ZNF345: variants seen among roughly 807,000 people sequenced by gnomAD.
ZNF345 encodes the protein zinc finger protein 345.
For missense variants in ZNF345, 527 were observed against 589.9 expected (o/e 0.89, Z 1.10); for synonymous variants, 166 against 187.9 (o/e 0.88, Z 0.95).
At chr19:36,857,868 TC>T (rs1390504272) in intron 2 of ZNF345, among the ~76,000 whole-genome samples, 9 of 152,090 alleles carry the variant, frequency 5.9e-5, no homozygotes, top group Non-Finnish European at 1.2e-4. Context: ...AACCTCCACT[TC>T]CTGGGTTCAA....
intron 3 of ZNF345, chr19:36,892,012 C>G (rs543853566): frequency 6.2e-7 from 1 of 1,613,798 alleles, no homozygotes; most frequent in East Asian, 2.2e-5. Flanking sequence ...AGTGTGAATT[C>G]TCTGATGATC....
chr19:36,884,224 C>T (rs189437300), downstream of ZNF345, among the ~76,000 whole-genome samples: 472 of 152,230 alleles, frequency 3.1e-3, 2 homozygotes, highest in South Asian at 0.01. Context: ...CACCACCATG[C>T]CCAGCTAAAT....
At chr19:36,868,955 T>G in intron 2 of ZNF345, among the ~76,000 whole-genome samples, 1 of 152,190 alleles carries the variant, frequency 6.6e-6, no homozygotes, top group Non-Finnish European at 1.5e-5. Context: ...GAGATTGTAT[T>G]GAATCTGCAG....
intron 2 of ZNF345, among the ~76,000 whole-genome samples, chr19:36,868,976 C>T (rs7253894): frequency 0.017 from 2,600 of 152,170 alleles, 82 homozygotes; most frequent in African/African-American, 0.059. Context: ...ATTATTTTAG[C>T]GAGTATTGCC....
At chr19:36,883,037 C>CT (rs2072977780), downstream of ZNF345, among the ~76,000 whole-genome samples, 1 of 152,132 alleles carries the variant, frequency 6.6e-6, no homozygotes, top group South Asian at 2.1e-4. Context: ...TCCAATTTCT[C>CT]TAATATTGAA....
intron 3 of ZNF345, chr19:36,890,918 T>C (rs1265930688): frequency 6.6e-6 from 1 of 152,142 alleles, no homozygotes; most frequent in East Asian, 1.9e-4. Context: ...ATTACAAATA[T>C]ATTAGACAAA....
chr19:36,871,343 C>T (rs957279170), intron 2 of ZNF345, among the ~76,000 whole-genome samples: 2 of 152,164 alleles, frequency 1.3e-5, no homozygotes, highest in African/African-American at 2.4e-5. Context: ...CACAAACATT[C>T]AGACTCTATC....
intron 3 of ZNF345, chr19:36,888,329 TACC>T (rs923369731): frequency 1.3e-5 from 2 of 152,330 alleles, no homozygotes; most frequent in Admixed American, 6.5e-5. Flanking sequence ...ACAGTGTTAT[TACC>T]ACAATATAGT....
chr19:36,859,996 C>T (rs750203371), intron 2 of ZNF345, among the ~76,000 whole-genome samples: 1 of 151,948 alleles, frequency 6.6e-6, no homozygotes, highest in Non-Finnish European at 1.5e-5. Context: ...CTCGCTGGGT[C>T]GCCCAGGCTG....
intron 2 of ZNF345, among the ~76,000 whole-genome samples, chr19:36,868,906 G>A (rs904583871): frequency 2.0e-5 from 3 of 152,036 alleles, no homozygotes; most frequent in African/African-American, 7.2e-5. Context: ...TTACCGCCCC[G>A]CCTGGCTTTT....
intron 3 of ZNF345, among the ~76,000 whole-genome samples, chr19:36,886,971 G>A (rs2073003582): frequency 7.1e-6 from 1 of 141,624 alleles, no homozygotes; most frequent in South Asian, 2.2e-4. Flanking sequence ...TCCAGCTTGG[G>A]CGAAAGAGTG....
At chr19:36,888,443 TTC>T in intron 3 of ZNF345, 1 of 152,194 alleles carries the variant, frequency 6.6e-6, no homozygotes. Context: ...TACACCCATT[TTC>T]TGTTCCCACC....
chr19:36,851,606 A>C (rs2072267650), intron 1 of ZNF345: 1 of 152,264 alleles, frequency 6.6e-6, no homozygotes, highest in African/African-American at 2.4e-5. Context: ...TTGTGACTTC[A>C]GCCATTGGAG....
downstream of ZNF345, among the ~76,000 whole-genome samples, chr19:36,880,958 AC>A (rs2072964473): frequency 6.6e-6 from 1 of 152,162 alleles, no homozygotes; most frequent in South Asian, 2.1e-4. Flanking sequence ...CAAGCATATA[AC>A]CCAAGAAGCT....
chr19:36,859,772 A>C (rs1313423877), intron 2 of ZNF345, among the ~76,000 whole-genome samples: 3 of 152,094 alleles, frequency 2.0e-5, no homozygotes, highest in Admixed American at 6.6e-5. Flanking sequence ...GAATAGCATA[A>C]AGTATTCCTG....
In ZNF345 at chr19:36,879,499, G is replaced by T. The variant is rs2072955012; in HGVS notation, c.*1202G>T. On this transcript the variant is annotated 3_prime_UTR_variant, in exon 3 of 3. Coordinates refer to ENST00000420450, the MANE Select transcript of ZNF345 (RefSeq NM_001242472.2). Reference sequence around the variant, plus strand: ...GTAAATATGTTGTTACCATTTTATTGGCTTTATAGTATTCACCTGTCTTTA... The same window carrying T: ...GTAAATATGTTGTTACCATTTTATTTGCTTTATAGTATTCACCTGTCTTTA... The T allele has an allele frequency of 6.0e-6, 1 of 166,624 alleles. No individual in the cohort carries two copies. The highest frequency in any genetic ancestry group is 6.6e-5 in the Admixed American group (1 of 15,250). The allele number at this position is 166,624 out of a possible 1,614,324, so 10.3% of individuals were successfully genotyped here.
At chr19:36,865,510 G>T (rs2072640326) in intron 2 of ZNF345, among the ~76,000 whole-genome samples, 1 of 152,036 alleles carries the variant, frequency 6.6e-6, no homozygotes, top group South Asian at 2.1e-4. Flanking sequence ...ACACATGCTG[G>T]AGTGTAGTAG....
chr19:36,892,188 T>G (rs2073061554), intron 3 of ZNF345: 1 of 1,614,072 alleles, frequency 6.2e-7, no homozygotes, highest in Non-Finnish European at 8.5e-7. Context: ...TCCTCTGATG[T>G]CGAGTAACGA....
At chr19:36,868,629 CTT>C (rs539327560) in intron 2 of ZNF345, among the ~76,000 whole-genome samples, 7 of 134,602 alleles carry the variant, frequency 5.2e-5, no homozygotes, top group Non-Finnish European at 3.2e-5. Context: ...TGAGGAGTGG[CTT>C]TTTTTTTTTT....
Sources: allele counts gnomAD v4.1 joint callset (sites outside exome capture counted in the v4.1 genomes callset), GRCh38; gene constraint gnomAD v4.1.1; transcripts MANE v1.5; gene names NCBI Gene and HGNC (gene_info 2026-07-23, HGNC 2026-07-21).